Variants in WASL observed in about 807,000 individuals in gnomAD.
WASL encodes WASP like actin nucleation promoting factor.
Under a neutral mutation model 55.5 loss-of-function variants are expected in WASL, and 20 were observed. The observed-to-expected ratio is 0.36, with a 90% CI of 0.25 to 0.52. The LOEUF is 0.52. WASL is among the 20% of genes least tolerant of loss of function. The pLI is 0.92. For synonymous variants in WASL, 249 were observed against 217.6 expected (o/e 1.14, Z -1.27); for missense variants, 504 against 622.5 (o/e 0.81, Z 2.03).
In WASL at chr7:123,695,833, G is replaced by A. The variant is rs1803481478; in HGVS notation, c.662C>T (p.Thr221Ile). 1 of 1,612,590 alleles carries A rather than the reference G, an allele frequency of 6.2e-7. No homozygotes were observed. The highest frequency in any genetic ancestry group is 1.3e-5 in the African/African-American group (1 of 74,968). Residue 221 changes from threonine to isoleucine, a missense_variant, in exon 7 of 11, where the codon ACA becomes ATA. Physicochemically the swap from Thr to Ile is moderately conservative, Grantham distance 89 (BLOSUM62 -1). Around this residue, in one of 5 missense-constraint regions of WASL, gnomAD observed 230 missense variants for 271.9 expected, o/e 0.85. Coordinates refer to ENST00000223023, the MANE Select transcript of WASL (RefSeq NM_003941.4). ...HIGHVGWDPN[T>I]GFDLNNLDPE... The stretch of plus-strand genomic sequence containing the variant: ...TGAAAACATACTTACATCAAAGCCT[G>A]TATTTGGATCCCAACCAACATGTCC...
At chr7:123,709,572 G>T (rs58700017) in intron 1 of WASL, among the ~76,000 whole-genome samples, 2,012 of 152,126 alleles carry the variant, frequency 0.013, 51 homozygotes, top group African/African-American at 0.047. Flanking sequence ...CACTAAAGGG[G>T]TTAATTTGCC....
intron 1 of WASL, among the ~76,000 whole-genome samples, chr7:123,739,345 A>C (rs1804290394): frequency 6.6e-6 from 1 of 152,180 alleles, no homozygotes; most frequent in East Asian, 1.9e-4. Context: ...AAAATTCTAT[A>C]CACATTTTCT....
chr7:123,730,518 T>C (rs978308015), intron 1 of WASL, among the ~76,000 whole-genome samples: 3 of 151,902 alleles, frequency 2.0e-5, no homozygotes, highest in African/African-American at 4.8e-5. Context: ...TACATACATA[T>C]TGCAAACTAC....
chr7:123,688,490 A>T (rs1271412668), intron 10 of WASL, among the ~76,000 whole-genome samples: 2 of 152,050 alleles, frequency 1.3e-5, no homozygotes, highest in Admixed American at 1.3e-4. Context: ...CCTCCCGAGT[A>T]GCTGGAATTA....
chr7:123,687,695 CTTTG>C (rs1803315864), intron 10 of WASL, among the ~76,000 whole-genome samples: 2 of 151,256 alleles, frequency 1.3e-5, no homozygotes, highest in African/African-American at 4.8e-5. Flanking sequence ...TTCTAGTTTT[CTTTG>C]TTTATTGCTT....
At chr7:123,719,200 C>T (rs1390451065) in intron 1 of WASL, among the ~76,000 whole-genome samples, 1 of 152,142 alleles carries the variant, frequency 6.6e-6, no homozygotes, top group Non-Finnish European at 1.5e-5. Flanking sequence ...ATCAGCAGTG[C>T]AAAATATTGG....
At chr7:123,728,226 C>A (rs1344892769) in intron 1 of WASL, among the ~76,000 whole-genome samples, 1 of 152,082 alleles carries the variant, frequency 6.6e-6, no homozygotes, top group Non-Finnish European at 1.5e-5. Flanking sequence ...TACCTGGGGA[C>A]TGGGCACTTT....
At chr7:123,704,575 C>T in intron 5 of WASL, 59 bp downstream of exon 5, 1 of 1,353,576 alleles carries the variant, frequency 7.4e-7, no homozygotes, top group Non-Finnish European at 1.0e-6. Flanking sequence ...TACATGTTTC[C>T]ACAAGGATTA....
At chr7:123,743,454 G>A (rs1340690516) in intron 1 of WASL, among the ~76,000 whole-genome samples, 1 of 151,826 alleles carries the variant, frequency 6.6e-6, no homozygotes, top group African/African-American at 2.4e-5. Context: ...TCTTCAATTA[G>A]CAGCCAGGGA....
At chr7:123,711,609 GCT>G (rs1344137582) in intron 1 of WASL, among the ~76,000 whole-genome samples, 1 of 152,098 alleles carries the variant, frequency 6.6e-6, no homozygotes, top group Non-Finnish European at 1.5e-5. Flanking sequence ...GAGAATAACT[GCT>G]ATACATTTAA....
At chr7:123,746,742 C>T (rs1804436924) in intron 1 of WASL, among the ~76,000 whole-genome samples, 1 of 152,230 alleles carries the variant, frequency 6.6e-6, no homozygotes, top group South Asian at 2.1e-4. Flanking sequence ...TGTGCAACAT[C>T]ATTTTTCTCT....
intron 10 of WASL, among the ~76,000 whole-genome samples, chr7:123,688,655 C>G (rs1203216968): frequency 1.3e-5 from 2 of 152,146 alleles, no homozygotes; most frequent in Admixed American, 6.5e-5. Flanking sequence ...AGTCACCGCA[C>G]CCAGCCCTGA....
At chr7:123,725,078 A>T (rs879926877) in intron 1 of WASL, among the ~76,000 whole-genome samples, 28 of 152,220 alleles carry the variant, frequency 1.8e-4, no homozygotes, top group African/African-American at 5.5e-4. Context: ...GTACATTTTT[A>T]AAAAGAATGT....
chr7:123,714,619 C>G (rs999659452), intron 1 of WASL, among the ~76,000 whole-genome samples: 51 of 152,152 alleles, frequency 3.4e-4, no homozygotes, highest in African/African-American at 1.2e-3. Context: ...ATTTGTTCAC[C>G]AAATGTTTAT....
chr7:123,739,595 G>A (rs1393960397), intron 1 of WASL, among the ~76,000 whole-genome samples: 1 of 152,190 alleles, frequency 6.6e-6, no homozygotes, highest in African/African-American at 2.4e-5. Flanking sequence ...TTGCCCAACT[G>A]TAGGTTATTG....
chr7:123,724,621 C>T (rs1259816814), intron 1 of WASL, among the ~76,000 whole-genome samples: 2 of 152,110 alleles, frequency 1.3e-5, no homozygotes, highest in Admixed American at 6.5e-5. Context: ...ATTTTATATG[C>T]GTTTTGCATT....
intron 1 of WASL, among the ~76,000 whole-genome samples, chr7:123,716,317 G>A (rs1803840664): frequency 6.6e-6 from 1 of 152,084 alleles, no homozygotes; most frequent in African/African-American, 2.4e-5. Flanking sequence ...CCAGGTTCAA[G>A]CAATTCTCCC....
chr7:123,732,529 T>A (rs1181056472), intron 1 of WASL, among the ~76,000 whole-genome samples: 2 of 152,126 alleles, frequency 1.3e-5, no homozygotes, highest in African/African-American at 4.8e-5. Flanking sequence ...TGAATAGGCC[T>A]ATGACCATTT....
At chr7:123,723,473 T>G (rs1008476496) in intron 1 of WASL, among the ~76,000 whole-genome samples, 2 of 152,172 alleles carry the variant, frequency 1.3e-5, no homozygotes, top group African/African-American at 2.4e-5. Flanking sequence ...AAAACCAAAT[T>G]AATAATCATG....
Sources: gnomAD v4.1 joint callset for allele counts (sites outside exome capture counted in the v4.1 genomes callset) on GRCh38, gnomAD v4.1.1 for gene constraint, gnomAD v4.1.1 regional missense constraint, MANE v1.5 for transcripts, NCBI Gene and HGNC (gene_info 2026-07-23, HGNC 2026-07-21) for gene names.